Variants in TEKT5 observed in about 807,000 individuals in gnomAD.
TEKT5 encodes tektin 5.
A neutral mutation model predicts 48.7 loss-of-function variants in TEKT5; 52 were observed. That is an observed-to-expected ratio of 1.07 (90% CI 0.86 to 1.35). TEKT5 has a LOEUF of 1.35. Among genes scored for constraint, TEKT5 ranks in the 40% most tolerant of loss-of-function variants. The probability of loss-of-function intolerance (pLI) is 0.00; values close to 1 mark genes in which losing one functional copy is unlikely to be tolerated. For missense variants in TEKT5, 831 were observed against 641.6 expected (o/e 1.30, Z -3.19); for synonymous variants, 318 against 267.6 (o/e 1.19, Z -1.84).
intron 3 of TEKT5, among the ~76,000 whole-genome samples, chr16:10,687,036 C>T (rs556440043): frequency 4.6e-5 from 7 of 151,994 alleles, no homozygotes; most frequent in Non-Finnish European, 7.4e-5. Flanking sequence ...CTAAAACAAG[C>T]GAACAAATAA....
chr16:10,692,008 T>C lies in TEKT5; in HGVS notation c.565-1983A>G, dbSNP rs565334450. Among the ~76,000 whole-genome samples the C allele has an allele frequency of 1.4e-3, 207 of 150,876 alleles. 2 individuals are homozygous for C. The highest frequency in any genetic ancestry group is 1.9e-3 in the Non-Finnish European group (130 of 67,816). Reference sequence around the variant, plus strand: ...GGCCATCAAGGGAACCAGTGGCTGCTGTAAGGACAATGGATTGGAAGGGAG... The same window carrying C: ...GGCCATCAAGGGAACCAGTGGCTGCCGTAAGGACAATGGATTGGAAGGGAG... On this transcript the variant is annotated intron_variant, in intron 1 of 6. Transcript: ENST00000283025.
intron 5 of TEKT5, among the ~76,000 whole-genome samples, chr16:10,651,200 C>T (rs1284053275): frequency 6.6e-6 from 1 of 152,122 alleles, no homozygotes; most frequent in Non-Finnish European, 1.5e-5. Flanking sequence ...ATGCACCTCC[C>T]CAGGTATCCA....
chr16:10,660,661 CTGTGTGTG>C (rs4028826), intron 5 of TEKT5, among the ~76,000 whole-genome samples: 6,814 of 144,314 alleles, frequency 0.047, 181 homozygotes, highest in Non-Finnish European at 0.051. Context: ...GAGTGCAAGG[CTGTGTGTG>C]TGTGTGTGTG....
intron 3 of TEKT5, among the ~76,000 whole-genome samples, chr16:10,687,458 T>G (rs576310995): frequency 6.6e-6 from 1 of 152,262 alleles, no homozygotes; most frequent in African/African-American, 2.4e-5. Context: ...TAAATAAGAG[T>G]ATTTAGGCCA....
chr16:10,672,334 T>C (rs1415472092), intron 5 of TEKT5, among the ~76,000 whole-genome samples: 2 of 152,066 alleles, frequency 1.3e-5, no homozygotes, highest in South Asian at 2.1e-4. Flanking sequence ...TCCAGCACTT[T>C]GGGAGGCAGA....
chr16:10,694,249 A>G (rs2251984), intron 1 of TEKT5, 61 bp downstream of exon 1: 794,580 of 1,480,294 alleles, frequency 0.54, 215,319 homozygotes, highest in African/African-American at 0.68. Context: ...CAAGGGAAGC[A>G]GAATGAGCGT....
At chr16:10,637,907 C>T (rs531894130) in intron 5 of TEKT5, among the ~76,000 whole-genome samples, 1 of 152,294 alleles carries the variant, frequency 6.6e-6, no homozygotes, top group South Asian at 2.1e-4. Flanking sequence ...ACCTCCAGGG[C>T]TCAAATGATC....
intron 3 of TEKT5, among the ~76,000 whole-genome samples, chr16:10,687,900 G>C (rs1898892284): frequency 1.3e-5 from 2 of 152,068 alleles, no homozygotes; most frequent in South Asian, 4.1e-4. Context: ...TTTGATACAG[G>C]CATGCAATTT....
chr16:10,694,774 C>G lies in TEKT5; in HGVS notation c.100G>C (p.Glu34Gln). The change falls in exon 1 of 7, where the codon GAA becomes CAA. Residue 34 changes from glutamate to glutamine, a missense_variant. Transcript: ENST00000283025. The stretch of plus-strand genomic sequence containing the variant: ...GGCAGGTAGTAGGGCTGATAGCATT[C>G]CTGGATCACTGGCGCCTGTACAGCT... ...LPAVQAPVIQ[E>Q]CYQPYYLPGY... The G allele has an allele frequency of 6.2e-7, 1 of 1,614,000 alleles. No homozygotes were observed. The highest frequency in any genetic ancestry group is 8.5e-7 in the Non-Finnish European group (1 of 1,179,958).
chr16:10,654,155 A>T (rs1278619634), intron 5 of TEKT5, among the ~76,000 whole-genome samples: 2 of 151,896 alleles, frequency 1.3e-5, no homozygotes, highest in Non-Finnish European at 2.9e-5. Flanking sequence ...GGCTCAAGGG[A>T]TCCTCCCACT....
intron 5 of TEKT5, among the ~76,000 whole-genome samples, chr16:10,652,603 GACACACACACACACACACAC>G (rs71133381): frequency 1.6e-4 from 2 of 12,250 alleles, no homozygotes; most frequent in Non-Finnish European, 1.3e-4. Context: ...TACACAGGCA[GACACACACACACACACACAC>G]ACACACACAC....
chr16:10,637,577 A>C (rs971905434), intron 5 of TEKT5, among the ~76,000 whole-genome samples: 31 of 152,264 alleles, frequency 2.0e-4, no homozygotes, highest in Non-Finnish European at 4.1e-4. Context: ...ATGAAAGTGC[A>C]GATCTCAGGG....
intron 5 of TEKT5, 77 bp downstream of exon 5, chr16:10,675,882 C>A (rs923150417): frequency 8.1e-5 from 120 of 1,480,966 alleles, no homozygotes; most frequent in Non-Finnish European, 2.0e-5. Context: ...CCAGCTTGGC[C>A]CAGATAACAC....
intron 6 of TEKT5, among the ~76,000 whole-genome samples, chr16:10,635,323 C>T (rs1897897844): frequency 6.6e-6 from 1 of 151,926 alleles, no homozygotes; most frequent in African/African-American, 2.4e-5. Context: ...GAGGCTCTTC[C>T]AGGGCTTCAT....
intron 6 of TEKT5, among the ~76,000 whole-genome samples, chr16:10,632,739 G>T (rs1897856015): frequency 6.6e-6 from 1 of 152,198 alleles, no homozygotes; most frequent in African/African-American, 2.4e-5. Flanking sequence ...GGAGAGGACG[G>T]GGACAAGGAA....
intron 5 of TEKT5, among the ~76,000 whole-genome samples, chr16:10,647,850 C>G (rs974303567): frequency 1.3e-5 from 2 of 152,272 alleles, no homozygotes; most frequent in African/African-American, 4.8e-5. Flanking sequence ...TGAGCACCTA[C>G]TTAGTGCCAA....
chr16:10,642,533 C>A (rs904245715), intron 5 of TEKT5, among the ~76,000 whole-genome samples: 2 of 152,152 alleles, frequency 1.3e-5, no homozygotes, highest in Non-Finnish European at 2.9e-5. Flanking sequence ...TGAGCCACCC[C>A]AGTGCTCCCC....
chr16:10,632,408 C>G (rs763024252), intron 6 of TEKT5, among the ~76,000 whole-genome samples: 70 of 152,160 alleles, frequency 4.6e-4, no homozygotes, highest in Non-Finnish European at 9.7e-4. Context: ...AGCAATCTTC[C>G]TGCTTTAGCC....
chr16:10,629,131 C>T (rs531961468), intron 6 of TEKT5, among the ~76,000 whole-genome samples: 7 of 152,046 alleles, frequency 4.6e-5, no homozygotes, highest in South Asian at 4.2e-4. Flanking sequence ...TTAATGGGTA[C>T]GGGGTTTCCT....
Sources: gnomAD v4.1 joint callset for allele counts (sites outside exome capture counted in the v4.1 genomes callset) on GRCh38, gnomAD v4.1.1 for gene constraint, MANE v1.5 for transcripts, NCBI Gene and HGNC (gene_info 2026-07-23, HGNC 2026-07-21) for gene names.